The following MSL2 variants were observed in gnomAD, a reference collection of about 807,000 sequenced individuals.
MSL2 encodes E3 ubiquitin-protein ligase MSL2.
MSL2 carries 2 observed loss-of-function variants against 35.8 expected under a neutral mutation model. The observed-to-expected ratio is 0.06, with a 90% confidence interval of 0.02 to 0.18. The LOEUF (loss-of-function observed/expected upper bound fraction) is 0.18, where lower values mean the gene tolerates loss of function less well. Among genes scored for constraint, MSL2 ranks in the 10% least tolerant of loss-of-function variants. The pLI is 1.00. For synonymous variants in MSL2, 296 were observed against 255.7 expected (o/e 1.16, Z -1.50); for missense variants, 523 against 706.7 (o/e 0.74, Z 2.95).
At chr3:136,160,336 A>AGGG (rs1369468059) in intron 1 of MSL2, among the ~76,000 whole-genome samples, 3 of 25,784 alleles carry the variant, frequency 1.2e-4, no homozygotes, top group Admixed American at 5.8e-4. Context: ...GGAGGGAAGG[A>AGGG]AGGAGGGAGG....
In MSL2 at chr3:136,150,938, G is replaced by C; in HGVS notation, c.*209C>G. 1.8e-6 allele frequency: 1 copy of C among 542,226 alleles called. No individual in the cohort carries two copies. Among genetic ancestry groups the C allele is most frequent in the Non-Finnish European group, 3.2e-6 (1 of 308,016 alleles). The allele number at this position is 542,226 out of a possible 1,614,324, so 33.6% of individuals were successfully genotyped here. ...CTTTGTTCTCAAACTATGAGGTTCT[G>C]TAAGAACTAAGGACATATAGTTGTA... On this transcript the variant is annotated 3_prime_UTR_variant, in exon 2 of 2. Coordinates refer to ENST00000309993, the MANE Select transcript of MSL2 (RefSeq NM_018133.4).
chr3:136,159,952 T>G (rs984413257), intron 1 of MSL2, among the ~76,000 whole-genome samples: 2 of 151,902 alleles, frequency 1.3e-5, no homozygotes, highest in African/African-American at 4.8e-5. Context: ...AAACTTACTG[T>G]GCTTCAACAA....
At chr3:136,174,345 T>C (rs2108079258) in intron 1 of MSL2, among the ~76,000 whole-genome samples, 1 of 152,360 alleles carries the variant, frequency 6.6e-6, no homozygotes, top group Admixed American at 6.5e-5. Context: ...CTCAGTCTAC[T>C]GATTCCCAGC....
In MSL2 at chr3:136,166,402, T is replaced by C. The variant is rs538584275; in HGVS notation, c.143-13664A>G. On this transcript the variant is annotated intron_variant, in intron 1 of 1. Transcript: ENST00000309993. ...GACTCTATCTCAAAAAAAAAGTAAG[T>C]TTTAAGGCCCCAGAAAGGGGCTTTA... is the stretch of plus-strand genomic sequence containing the variant. Among the ~76,000 whole-genome samples the C allele has an allele frequency of 1.6e-4, 24 of 151,902 alleles. 1 individual carries two copies. In the East Asian group the frequency reaches 3.5e-3, roughly 22 times the overall value.
At chr3:136,158,351 T>C (rs1175422384) in intron 1 of MSL2, among the ~76,000 whole-genome samples, 1 of 142,970 alleles carries the variant, frequency 7.0e-6, no homozygotes, top group Non-Finnish European at 1.5e-5. Context: ...CAAACCAAAA[T>C]CTCCCATAAA....
At position 136,195,971 on chromosome 3, in the gene MSL2, G is replaced by A. The variant is rs1940832652; in HGVS notation, c.-858C>T. 3.4e-6 allele frequency: 1 copy of A among 297,978 alleles called. No homozygotes were observed. Among genetic ancestry groups the A allele is most frequent in the Non-Finnish European group, 4.9e-6 (1 of 202,344 alleles). The allele number at this position is 297,978 out of a possible 1,614,324, so 18.5% of individuals were successfully genotyped here. A position where few individuals can be genotyped will look rare whatever the true frequency, so the allele number is the denominator to read the frequency against. ...CTCAAGCGCCGCCCCCTCACTGCCC[G>A]GCCATTTTTTCGGCGCCACACACAC... On this transcript the variant is annotated 5_prime_UTR_variant, in exon 1 of 2. Coordinates refer to ENST00000309993, the MANE Select transcript of MSL2 (RefSeq NM_018133.4).
intron 1 of MSL2, among the ~76,000 whole-genome samples, chr3:136,162,273 T>TTAAA (rs764964239): frequency 4.6e-4 from 62 of 135,902 alleles, no homozygotes; most frequent in African/African-American, 1.6e-3. Context: ...ATAAGGTTTT[T>TTAAA]AAAAAAAAAA....
At chr3:136,168,358 A>T (rs1442815642) in intron 1 of MSL2, among the ~76,000 whole-genome samples, 1 of 152,270 alleles carries the variant, frequency 6.6e-6, no homozygotes, top group Non-Finnish European at 1.5e-5. Context: ...CAAACCAGTT[A>T]TCTTAAAATA....
At chr3:136,191,301 T>C (rs1344965999) in intron 1 of MSL2, among the ~76,000 whole-genome samples, 2 of 151,896 alleles carry the variant, frequency 1.3e-5, no homozygotes, top group Non-Finnish European at 2.9e-5. Context: ...ACCCCGTCTC[T>C]ACAAAAAATA....
At chr3:136,178,079 G>A (rs1299056526) in intron 1 of MSL2, among the ~76,000 whole-genome samples, 1 of 152,106 alleles carries the variant, frequency 6.6e-6, no homozygotes, top group East Asian at 1.9e-4. Context: ...TGATGTATAT[G>A]TATAACCACT....
At chr3:136,169,685 T>C (rs970695101) in intron 1 of MSL2, among the ~76,000 whole-genome samples, 5 of 151,942 alleles carry the variant, frequency 3.3e-5, no homozygotes, top group Non-Finnish European at 7.4e-5. Flanking sequence ...CCTCCTGACC[T>C]CAGGTGATCC....
At chr3:136,166,062 TAAAAAAAAAAAA>T (rs34420183) in intron 1 of MSL2, among the ~76,000 whole-genome samples, 239 of 80,096 alleles carry the variant, frequency 3.0e-3, no homozygotes, top group Admixed American at 6.6e-3. Flanking sequence ...TACGTACCAG[TAAAAAAAAAAAA>T]AAAAAAAAAA....
intron 1 of MSL2, chr3:136,156,032 A>C: frequency 3.4e-6 from 1 of 296,980 alleles, no homozygotes; most frequent in Non-Finnish European, 6.8e-6. Context: ...ACTACTTCTT[A>C]CCTCTCTGCC....
chr3:136,155,207 GAA>G (rs746345027), intron 1 of MSL2, among the ~76,000 whole-genome samples: 1 of 139,202 alleles, frequency 7.2e-6, no homozygotes, highest in Admixed American at 7.2e-5. Context: ...AGACTGTCTG[GAA>G]AAAAAAAAAA....
At chr3:136,166,793 T>C (rs1389238136) in intron 1 of MSL2, among the ~76,000 whole-genome samples, 4 of 152,202 alleles carry the variant, frequency 2.6e-5, no homozygotes, top group African/African-American at 9.7e-5. Context: ...AACAAGGTTA[T>C]CAGTACTCTT....
In MSL2 at chr3:136,148,956, G is replaced by A. The variant is rs911240751; in HGVS notation, c.*2191C>T. The A allele has an allele frequency of 1.3e-5, 2 of 152,510 alleles. No individual in the cohort carries two copies. Among genetic ancestry groups the A allele is most frequent in the African/African-American group, 2.4e-5 (1 of 41,434 alleles). 9.4% of individuals were successfully genotyped at this position (152,510 alleles called of 1,614,324 possible). ...TATCATTTATTGATAGATTTAAGGTGTAATACAGGTTTCCAAAAATGTGGC... is the reference window on the plus strand; with the variant it reads ...TATCATTTATTGATAGATTTAAGGTATAATACAGGTTTCCAAAAATGTGGC... On this transcript the variant is annotated 3_prime_UTR_variant, in exon 2 of 2. Coordinates refer to ENST00000309993, the MANE Select transcript of MSL2 (RefSeq NM_018133.4).
chr3:136,156,435 A>C (rs1409599200), intron 1 of MSL2, among the ~76,000 whole-genome samples: 2 of 152,206 alleles, frequency 1.3e-5, no homozygotes, highest in African/African-American at 2.4e-5. Flanking sequence ...GGCTAAATGG[A>C]AAGGCAAGTT....
intron 1 of MSL2, among the ~76,000 whole-genome samples, chr3:136,182,971 C>G (rs1473975862): frequency 6.6e-6 from 1 of 152,174 alleles, no homozygotes; most frequent in Non-Finnish European, 1.5e-5. Context: ...AAACTAGTCT[C>G]TAAAAGCTGC....
At chr3:136,193,127 G>A (rs1340256114) in intron 1 of MSL2, among the ~76,000 whole-genome samples, 1 of 152,070 alleles carries the variant, frequency 6.6e-6, no homozygotes, top group African/African-American at 2.4e-5. Context: ...AAATAAAAAA[G>A]GCTCCAGTTG....
Sources: allele counts gnomAD v4.1 joint callset (sites outside exome capture counted in the v4.1 genomes callset), GRCh38; gene constraint gnomAD v4.1.1; transcripts MANE v1.5; gene names NCBI Gene and HGNC (gene_info 2026-07-23, HGNC 2026-07-21).